PPFIA2: variants seen among roughly 807,000 people sequenced by gnomAD.
PPFIA2 encodes the protein PPFI scaffold protein A2.
In PPFIA2, 46 loss-of-function variants were observed where a neutral mutation model predicts 175.5. The ratio of observed to expected loss-of-function variants is 0.26; its 90% CI spans 0.21 to 0.34. The LOEUF (loss-of-function observed/expected upper bound fraction) is 0.34. Ranked by LOEUF, PPFIA2 falls within the 10% of genes least tolerant of loss-of-function variation. The pLI, the probability that PPFIA2 is intolerant of heterozygous loss-of-function variation, is 1.00. For synonymous variants in PPFIA2, 568 were observed against 511.4 expected (o/e 1.11, Z -1.49); for missense variants, 1,179 against 1,506.1 (o/e 0.78, Z 3.60).
At chr12:81,509,462 A>G (rs532750403) in intron 4 of PPFIA2, among the ~76,000 whole-genome samples, 1 of 152,302 alleles carries the variant, frequency 6.6e-6, no homozygotes, top group Non-Finnish European at 1.5e-5. Context: ...ATTTGCAGGC[A>G]TTTATATAGG....
chr12:81,330,193 C>A (rs1356295440), intron 21 of PPFIA2, among the ~76,000 whole-genome samples: 1 of 152,036 alleles, frequency 6.6e-6, no homozygotes, highest in African/African-American at 2.4e-5. Context: ...ACGATAGCAA[C>A]AACAACAACA....
chr12:81,398,018 T>C (rs909493726), intron 8 of PPFIA2, among the ~76,000 whole-genome samples: 2 of 151,982 alleles, frequency 1.3e-5, no homozygotes, highest in Non-Finnish European at 2.9e-5. Context: ...TTCTACATTA[T>C]GGTGAGTTGT....
chr12:81,639,706 C>A (rs936435196), intron 4 of PPFIA2, among the ~76,000 whole-genome samples: 5 of 152,076 alleles, frequency 3.3e-5, no homozygotes, highest in Non-Finnish European at 7.4e-5. Flanking sequence ...ACAATATCAT[C>A]TTTCACATAA....
At chr12:81,313,538 A>T (rs2051494212) in intron 22 of PPFIA2, among the ~76,000 whole-genome samples, 1 of 152,072 alleles carries the variant, frequency 6.6e-6, no homozygotes, top group Non-Finnish European at 1.5e-5. Context: ...CAAAAGCAGA[A>T]ATGTTCATAA....
intron 4 of PPFIA2, among the ~76,000 whole-genome samples, chr12:81,492,769 T>A (rs1402763728): frequency 1.3e-5 from 2 of 151,982 alleles, no homozygotes; most frequent in Admixed American, 6.6e-5. Flanking sequence ...AGAGCAAAAA[T>A]TGACATGGTC....
At position 81,677,397 on chromosome 12, in the gene PPFIA2, G is replaced by A. The variant is rs372828023; in HGVS notation, c.250-553C>T. On this transcript the variant is annotated intron_variant, in intron 3 of 32. Transcript: ENST00000549396. ...ATCATGAAATATACAGTAAATTATTGTTAACAACAGTCGCCCTATTGTGCT... is the reference window on the plus strand; with the variant it reads ...ATCATGAAATATACAGTAAATTATTATTAACAACAGTCGCCCTATTGTGCT... Among the ~76,000 whole-genome samples the A allele has an allele frequency of 4.0e-4, 60 of 151,858 alleles. 2 individuals are homozygous for A. In the South Asian group the frequency reaches 0.012, roughly 31 times the overall value.
intron 4 of PPFIA2, among the ~76,000 whole-genome samples, chr12:81,516,060 T>G (rs779747824): frequency 5.9e-5 from 9 of 152,214 alleles, no homozygotes; most frequent in Non-Finnish European, 4.4e-5. Flanking sequence ...AAAGATGTTC[T>G]CCAAATTTAT....
intron 7 of PPFIA2, among the ~76,000 whole-genome samples, chr12:81,423,948 AAAC>A (rs61114434): frequency 4.6e-5 from 7 of 152,226 alleles, no homozygotes; most frequent in South Asian, 2.1e-4. Flanking sequence ...TTCCACACAC[AAAC>A]AACAATATAA....
chr12:81,500,172 A>T (rs1432068903), intron 4 of PPFIA2, among the ~76,000 whole-genome samples: 2 of 152,144 alleles, frequency 1.3e-5, no homozygotes, highest in East Asian at 3.9e-4. Context: ...CCATATTCAA[A>T]TCAAAATCCT....
intron 7 of PPFIA2, among the ~76,000 whole-genome samples, chr12:81,435,323 C>T (rs1236342315): frequency 6.6e-6 from 1 of 152,122 alleles, no homozygotes. Context: ...ATAATCTATA[C>T]AATAATTAAC....
intron 25 of PPFIA2, 60 bp from the exon 26 acceptor site, chr12:81,283,099 A>G (rs746196668): frequency 4.7e-5 from 72 of 1,531,106 alleles, no homozygotes; most frequent in Admixed American, 4.4e-4. Context: ...TTTCAAATCA[A>G]TACAGTAAAA....
At chr12:81,509,068 C>T (rs150646535) in intron 4 of PPFIA2, among the ~76,000 whole-genome samples, 1 of 151,948 alleles carries the variant, frequency 6.6e-6, no homozygotes, top group African/African-American at 2.4e-5. Flanking sequence ...ATGGATGAAA[C>T]TGGAAATCAT....
rs538630037 is a variant in PPFIA2, at chr12:81,528,681, A to C, written c.304-70815T>G. ...ATAACACCAATATTAGAAACAATCT[A>C]CAAATGTGTTGTGAAAAGCATTTCC... is the stretch of plus-strand genomic sequence containing the variant. On this transcript the variant is annotated intron_variant, in intron 4 of 32. Transcript: ENST00000549396. Among the ~76,000 whole-genome samples the C allele has an allele frequency of 2.0e-5, 3 of 152,228 alleles. No individual in the cohort carries two copies. The East Asian group carries it at 5.8e-4, about 29-fold the overall frequency.
chr12:81,653,041 C>G (rs549360794), intron 4 of PPFIA2, among the ~76,000 whole-genome samples: 4 of 152,044 alleles, frequency 2.6e-5, no homozygotes, highest in Admixed American at 2.6e-4. Flanking sequence ...ATTCACTTCC[C>G]TACTGCTATG....
At chr12:81,529,534 C>A (rs2064194423) in intron 4 of PPFIA2, among the ~76,000 whole-genome samples, 1 of 147,682 alleles carries the variant, frequency 6.8e-6, no homozygotes, top group African/African-American at 2.5e-5. Context: ...CACACACACA[C>A]AAAGAGTGGC....
At position 81,624,411 on chromosome 12, in the gene PPFIA2, A is replaced by C. The variant is rs2062432858; in HGVS notation, c.303+52380T>G. Among the ~76,000 whole-genome samples, 4 of 147,652 alleles carry C rather than the reference A, an allele frequency of 2.7e-5. No homozygotes were observed. In the South Asian group the frequency reaches 8.4e-4, roughly 31 times the overall value. ...ATATACTGATTTTATATTTCACTATAAAATATATATACTTATTATATACAT... is the reference window on the plus strand; with the variant it reads ...ATATACTGATTTTATATTTCACTATCAAATATATATACTTATTATATACAT... On this transcript the variant is annotated intron_variant, in intron 4 of 32. Transcript: ENST00000549396.
At chr12:81,479,391 C>G (rs1397306993) in intron 4 of PPFIA2, among the ~76,000 whole-genome samples, 1 of 152,174 alleles carries the variant, frequency 6.6e-6, no homozygotes, top group African/African-American at 2.4e-5. Flanking sequence ...ATTTGCCAGT[C>G]TGTATCTTTT....
chr12:81,291,643 G>C (rs1223540558), intron 24 of PPFIA2, among the ~76,000 whole-genome samples: 1 of 151,984 alleles, frequency 6.6e-6, no homozygotes, highest in East Asian at 1.9e-4. Context: ...TCTAGTGTGA[G>C]ATAAATGAAG....
At chr12:81,345,768 C>G (rs1371569548) in intron 18 of PPFIA2, among the ~76,000 whole-genome samples, 1 of 152,106 alleles carries the variant, frequency 6.6e-6, no homozygotes, top group African/African-American at 2.4e-5. Context: ...CTTATATAGG[C>G]AGAAACTAAG....
Sources: gnomAD v4.1 joint callset for allele counts (sites outside exome capture counted in the v4.1 genomes callset) on GRCh38, gnomAD v4.1.1 for gene constraint, MANE v1.5 for transcripts, NCBI Gene and HGNC (gene_info 2026-07-23, HGNC 2026-07-21) for gene names.